Variants in BMAL2 observed in about 807,000 individuals in gnomAD.
The protein encoded by BMAL2 is basic helix-loop-helix ARNT like 2, also known as basic helix-loop-helix ARNT-like protein 2.
chr12:27,404,689 G>A, the BMAL2 span, among the ~76,000 whole-genome samples: 1 of 152,200 alleles, frequency 6.6e-6, no homozygotes, highest in Non-Finnish European at 1.5e-5. Context: ...ACAGAAGACG[G>A]GTGCTTTCTG....
the BMAL2 span, chr12:27,387,256 G>T: frequency 6.2e-7 from 1 of 1,612,272 alleles, no homozygotes; most frequent in Non-Finnish European, 8.5e-7. Context: ...TTTGTGGTTG[G>T]ATGTGAAAGA....
At chr12:27,420,650 A>G in the BMAL2 span, 30 of 1,179,066 alleles carry the variant, frequency 2.5e-5, no homozygotes, top group African/African-American at 3.7e-4. Context: ...TTAATGTTCT[A>G]CCACTTTTTA....
At chr12:27,404,998 T>C in the BMAL2 span, among the ~76,000 whole-genome samples, 1 of 152,084 alleles carries the variant, frequency 6.6e-6, no homozygotes, top group Middle Eastern at 3.2e-3. Flanking sequence ...GCCTCGCTCA[T>C]TGCTAGCACA....
the BMAL2 span, among the ~76,000 whole-genome samples, chr12:27,393,697 GTTGGTGAA>G: frequency 6.6e-6 from 1 of 152,208 alleles, no homozygotes; most frequent in Admixed American, 6.5e-5. Flanking sequence ...AACAATAGAT[GTTGGTGAA>G]TGAACAGTTT....
chr12:27,401,221 A>G, the BMAL2 span: 2 of 1,510,214 alleles, frequency 1.3e-6, no homozygotes, highest in East Asian at 4.5e-5. Context: ...GAGTACACTC[A>G]CCACTTCTGA....
the BMAL2 span, chr12:27,415,783 A>T: frequency 1.1e-6 from 1 of 883,046 alleles, no homozygotes. Flanking sequence ...CTGTATTTTT[A>T]TTAGTAGATT....
chr12:27,407,175 A>T, the BMAL2 span, among the ~76,000 whole-genome samples: 2 of 152,206 alleles, frequency 1.3e-5, no homozygotes, highest in South Asian at 2.1e-4. Context: ...TCAACATTAG[A>T]CAGATCAACG....
the BMAL2 span, among the ~76,000 whole-genome samples, chr12:27,377,902 C>T: frequency 2.0e-5 from 3 of 152,096 alleles, no homozygotes; most frequent in African/African-American, 7.2e-5. Flanking sequence ...ATGGTTGGGG[C>T]AGGGGGTGTG....
the BMAL2 span, among the ~76,000 whole-genome samples, chr12:27,343,619 G>A: frequency 6.6e-6 from 1 of 152,036 alleles, no homozygotes; most frequent in African/African-American, 2.4e-5. Context: ...TTGTGCCTTT[G>A]GAAAAACCTG....
chr12:27,367,864 AGAGG>A, the BMAL2 span, among the ~76,000 whole-genome samples: 19 of 151,230 alleles, frequency 1.3e-4, no homozygotes, highest in Admixed American at 4.0e-4. Flanking sequence ...ATTTTTTTTG[AGAGG>A]GAGTCTCGCT....
the BMAL2 span, among the ~76,000 whole-genome samples, chr12:27,411,146 G>A: frequency 1.3e-5 from 2 of 151,316 alleles, no homozygotes; most frequent in Non-Finnish European, 2.9e-5. Flanking sequence ...ATTTTCTTTT[G>A]AGGCAGGGTC....
the BMAL2 span, among the ~76,000 whole-genome samples, chr12:27,378,965 C>T: frequency 2.6e-5 from 4 of 151,652 alleles, no homozygotes; most frequent in East Asian, 3.9e-4. Flanking sequence ...CCCTGGGTCA[C>T]GTTGGAAGAA....
At chr12:27,370,692 G>A in the BMAL2 span, among the ~76,000 whole-genome samples, 14 of 151,958 alleles carry the variant, frequency 9.2e-5, no homozygotes, top group Non-Finnish European at 1.9e-4. Flanking sequence ...TGCAACCTCC[G>A]CCTCCTGGGT....
At chr12:27,372,756 C>G in the BMAL2 span, among the ~76,000 whole-genome samples, 1 of 152,180 alleles carries the variant, frequency 6.6e-6, no homozygotes, top group East Asian at 1.9e-4. Flanking sequence ...TCACTGCAAG[C>G]TCTGCCTCCT....
At chr12:27,392,149 C>T in the BMAL2 span, among the ~76,000 whole-genome samples, 1 of 152,160 alleles carries the variant, frequency 6.6e-6, no homozygotes, top group Non-Finnish European at 1.5e-5. Flanking sequence ...AATCCTAACT[C>T]AACTATGTGA....
At chr12:27,414,376 A>G in the BMAL2 span, among the ~76,000 whole-genome samples, 2 of 152,134 alleles carry the variant, frequency 1.3e-5, no homozygotes, top group Non-Finnish European at 2.9e-5. Flanking sequence ...CACATGGAGC[A>G]CTCTCCAGGA....
the BMAL2 span, among the ~76,000 whole-genome samples, chr12:27,342,953 T>G: frequency 6.6e-6 from 1 of 152,230 alleles, no homozygotes; most frequent in Non-Finnish European, 1.5e-5. Flanking sequence ...CTGGGGTATG[T>G]GGTCATAAGC....
At chr12:27,335,096 G>A in the BMAL2 span, among the ~76,000 whole-genome samples, 1 of 152,228 alleles carries the variant, frequency 6.6e-6, no homozygotes, top group Non-Finnish European at 1.5e-5. Context: ...AGGAAAAAAT[G>A]TATATGTATT....
the BMAL2 span, among the ~76,000 whole-genome samples, chr12:27,349,691 C>T: frequency 6.6e-6 from 1 of 152,200 alleles, no homozygotes; most frequent in Admixed American, 6.5e-5. Context: ...ATCTGCCCAA[C>T]ATAAGTTCAG....
Sources: gnomAD v4.1 joint callset for allele counts (sites outside exome capture counted in the v4.1 genomes callset) on GRCh38, gnomAD v4.1.1 for gene constraint, MANE v1.5 for transcripts, NCBI Gene and HGNC (gene_info 2026-07-23, HGNC 2026-07-21) for gene names.